The following KRT82 variants were observed in gnomAD, a reference collection of about 807,000 sequenced individuals.
KRT82 encodes keratin 82.
In KRT82, 44 loss-of-function variants were observed where a neutral mutation model predicts 48.0. That is an observed-to-expected ratio of 0.92 (90% confidence interval 0.72 to 1.18). KRT82 has a LOEUF of 1.18. KRT82 is among the 50% of genes most tolerant of loss of function. The pLI, the probability that KRT82 is intolerant of heterozygous loss-of-function variation, is 0.00. For synonymous variants in KRT82, 297 were observed against 278.3 expected (o/e 1.07, Z -0.67); for missense variants, 701 against 671.4 (o/e 1.04, Z -0.49).
chr12:52,395,878 G>C, intron 7 of KRT82, 88 bp from the exon 8 acceptor site: 1 of 1,474,968 alleles, frequency 6.8e-7, no homozygotes. Flanking sequence ...CCTCATTGTG[G>C]ACCATGTGCT....
At position 52,403,845 on chromosome 12, in the gene KRT82, C is replaced by T. The variant is rs1177293834; in HGVS notation, c.476G>A (p.Arg159Lys). The T allele has an allele frequency of 2.5e-6, 4 of 1,613,820 alleles. No individual in the cohort carries two copies. The highest frequency in any genetic ancestry group is 1.3e-5 in the African/African-American group (1 of 74,940). ...GGGCTCGATGTTGGTCTGGCAGCAC[C>T]TCTGCTGCTGCATGAAGTTCCACTT... ...ETKWNFMQQQ[R>K]CCQTNIEPIF... Residue 159 changes from arginine to lysine, a missense_variant, in exon 2 of 9, where the codon AGG (arginine) becomes AAG (lysine). Coordinates refer to ENST00000257974, the MANE Select transcript of KRT82 (RefSeq NM_033033.4).
intron 6 of KRT82, among the ~76,000 whole-genome samples, 170 bp downstream of exon 6, chr12:52,396,713 G>A (rs1939720613): frequency 6.6e-6 from 1 of 152,204 alleles, no homozygotes; most frequent in East Asian, 1.9e-4. Flanking sequence ...TCATCCTGCT[G>A]TGGGTCAGCC....
At chr12:52,395,860 GCTCCCGCC>G in intron 7 of KRT82, 70 bp from the exon 8 acceptor site, 1 of 1,456,008 alleles carries the variant, frequency 6.9e-7, no homozygotes, top group East Asian at 2.3e-5. Flanking sequence ...GCATCTCCCC[GCTCCCGCC>G]CTCATTGTGG....
intron 4 of KRT82, 112 bp from the exon 5 acceptor site, chr12:52,400,261 G>T: frequency 9.3e-7 from 1 of 1,078,078 alleles, no homozygotes; most frequent in Non-Finnish European, 1.3e-6. Flanking sequence ...ACTCTGCTAT[G>T]GCTGTTCTGG....
rs200920774 is a variant in KRT82 at position 52,406,272 on chromosome 12, C to A, written c.6G>T (p.Ser2=). The change falls in exon 1 of 9, where the codon TCG becomes TCT. Residue 2 remains serine, a synonymous_variant. Coordinates refer to ENST00000257974, the MANE Select transcript of KRT82 (RefSeq NM_033033.4). ...TGGAGCCTGGCTGGAAAGAGTGGTA[C>A]GACATGGCAGGAGAGAGAGGCAGAG... is the stretch of plus-strand genomic sequence containing the variant. M[S]YHSFQPGSRC... 1.9e-6 allele frequency: 3 copies of A among 1,590,496 alleles called. No homozygotes were observed. Among genetic ancestry groups the A allele is most frequent in the Admixed American group, 3.4e-5 (2 of 58,464 alleles).
chr12:52,394,684 G>A lies in KRT82; in HGVS notation c.*291C>T. The A allele has an allele frequency of 1.9e-5, 9 of 481,720 alleles. No individual in the cohort carries two copies. Among genetic ancestry groups the A allele is most frequent in the South Asian group, 1.8e-4 (8 of 43,492 alleles). The allele number at this position is 481,720 out of a possible 1,614,324, so 29.8% of individuals were successfully genotyped here. A position where few individuals can be genotyped will look rare whatever the true frequency, so the allele number is the denominator to read the frequency against. On this transcript the variant is annotated 3_prime_UTR_variant, in exon 9 of 9. Transcript: ENST00000257974. ...CTGTGGTGTGCCCATTTGACCTTTTGGGGGTTATTGCCATTCTGCGGTTAA... is the reference window on the plus strand; with the variant it reads ...CTGTGGTGTGCCCATTTGACCTTTTAGGGGTTATTGCCATTCTGCGGTTAA...
In KRT82 at chr12:52,401,261, G is replaced by A. The variant is rs375313797; in HGVS notation, c.681+28C>T. ...TGGGGCAACGCAGGCCAGCTCAGGG[G>A]CTCTGCCTCTCTGAGCTTCCTCCTT... On this transcript the variant is annotated intron_variant, in intron 3 of 8. Coordinates refer to ENST00000257974, the MANE Select transcript of KRT82 (RefSeq NM_033033.4). The A allele has an allele frequency of 7.6e-4, 1,220 of 1,602,396 alleles. 3 individuals are homozygous for A. Among genetic ancestry groups the A allele is most frequent in the Middle Eastern group, 9.9e-4 (6 of 6,070 alleles).
intron 1 of KRT82, among the ~76,000 whole-genome samples, chr12:52,404,320 T>C (rs1299408456): frequency 1.3e-5 from 2 of 152,182 alleles, no homozygotes; most frequent in Admixed American, 1.3e-4. Context: ...TTCATACTAG[T>C]GTCAGAGGAT....
At position 52,403,797 on chromosome 12, in the gene KRT82, G is replaced by A; in HGVS notation, c.524C>T (p.Ala175Val). 1 of 1,613,760 alleles carries A rather than the reference G, an allele frequency of 6.2e-7. No homozygotes were observed. Among genetic ancestry groups the A allele is most frequent in the South Asian group, 1.1e-5 (1 of 91,084 alleles). ...CACACAGTCCAGCTGCCGCCGAAGGGCGCTGATATAGCCCTCGAAGATGGG... is the reference window on the plus strand; with the variant it reads ...CACACAGTCCAGCTGCCGCCGAAGGACGCTGATATAGCCCTCGAAGATGGG... The part of the protein sequence containing the change: ...IEPIFEGYIS[A>V]LRRQLDCVSG... Residue 175 changes from alanine (A) to valine (V), a missense_variant, in exon 2 of 9, where the codon GCC becomes GTC. Transcript: ENST00000257974.
intron 1 of KRT82, among the ~76,000 whole-genome samples, chr12:52,404,372 G>A (rs563907821): frequency 6.6e-6 from 1 of 152,252 alleles, no homozygotes; most frequent in South Asian, 2.1e-4. Context: ...GACAGCCTAG[G>A]GACACTCAGG....
At chr12:52,404,391 C>T (rs747559074) in intron 1 of KRT82, among the ~76,000 whole-genome samples, 1 of 152,166 alleles carries the variant, frequency 6.6e-6, no homozygotes, top group African/African-American at 2.4e-5. Context: ...GGGGAAAAGA[C>T]GGATCAAGGG....
At chr12:52,403,644 A>G in intron 2 of KRT82, 57 bp downstream of exon 2, 1 of 1,075,238 alleles carries the variant, frequency 9.3e-7, no homozygotes, top group Admixed American at 1.9e-5. Context: ...CAGGGCCCAG[A>G]CTGTTTCTGT....
chr12:52,398,740 G>C (rs1290721855), intron 5 of KRT82, among the ~76,000 whole-genome samples: 1 of 152,180 alleles, frequency 6.6e-6, no homozygotes, highest in Non-Finnish European at 1.5e-5. Context: ...CCACCATGGA[G>C]CTCCAGAAAA....
At chr12:52,398,199 G>C (rs987751049) in intron 5 of KRT82, among the ~76,000 whole-genome samples, 1 of 152,192 alleles carries the variant, frequency 6.6e-6, no homozygotes, top group African/African-American at 2.4e-5. Flanking sequence ...GACCATGGCT[G>C]GGTAGGGCTT....
Position 52,399,033 on chromosome 12 carries a change from T to C in KRT82, c.942+952A>G. 1.3e-5 allele frequency among the ~76,000 whole-genome samples: 2 copies of C among 152,188 alleles called. 1 individual carries two copies. On this transcript the variant is annotated intron_variant, in intron 5 of 8. Coordinates refer to ENST00000257974, the MANE Select transcript of KRT82 (RefSeq NM_033033.4). The stretch of plus-strand genomic sequence containing the variant: ...CAACACCTTTGCCTTTGTGACACAA[T>C]TTGTTCCCTCTGTCATCAAACTCCC...
intron 3 of KRT82, 64 bp from the exon 4 acceptor site, chr12:52,400,686 G>A: frequency 8.7e-7 from 1 of 1,153,074 alleles, no homozygotes; most frequent in South Asian, 1.2e-5. Flanking sequence ...CTGGTGGCAG[G>A]GGGAAGGCGT....
chr12:52,403,131 G>C (rs1230733686), intron 2 of KRT82, among the ~76,000 whole-genome samples: 1 of 152,220 alleles, frequency 6.6e-6, no homozygotes, highest in Non-Finnish European at 1.5e-5. Flanking sequence ...AAGTGTGGCA[G>C]AAGACAAAAC....
At chr12:52,396,392 G>A (rs1939715788) in intron 6 of KRT82, among the ~76,000 whole-genome samples, 160 bp from the exon 7 acceptor site, 1 of 152,190 alleles carries the variant, frequency 6.6e-6, no homozygotes, top group Non-Finnish European at 1.5e-5. Context: ...AACTGGGATG[G>A]GTTTTCTGTC....
At chr12:52,400,391 G>A (rs553215989) in intron 4 of KRT82, 136 bp downstream of exon 4, 23 of 731,034 alleles carry the variant, frequency 3.1e-5, no homozygotes, top group African/African-American at 1.7e-4. Flanking sequence ...GAGTCTCACC[G>A]CCTGAGAACG....
Sources: gnomAD v4.1 joint callset for allele counts (sites outside exome capture counted in the v4.1 genomes callset) on GRCh38, gnomAD v4.1.1 for gene constraint, MANE v1.5 for transcripts, NCBI Gene and HGNC (gene_info 2026-07-23, HGNC 2026-07-21) for gene names.